Variants in NADK observed in about 807,000 individuals in gnomAD.
NADK encodes the protein poly(P)/ATP NAD kinase.
A neutral mutation model predicts 49.8 loss-of-function variants in NADK; 22 were observed. The ratio of observed to expected loss-of-function variants is 0.44; its 90% confidence interval spans 0.32 to 0.63. The LOEUF (loss-of-function observed/expected upper bound fraction) is 0.63, where lower values mean the gene tolerates loss of function less well. NADK is among the 30% of genes least tolerant of loss of function. NADK has a pLI of 0.06. For missense variants in NADK, 438 were observed against 609.4 expected (o/e 0.72, Z 2.96); for synonymous variants, 268 against 253.7 (o/e 1.06, Z -0.54).
At position 1,755,570 on chromosome 1, in the gene NADK, T is replaced by G. The variant is rs547672085; in HGVS notation, c.586-94A>C. 36 of 899,986 alleles carry G rather than the reference T, an allele frequency of 4.0e-5. No individual in the cohort carries two copies. In the East Asian group the frequency reaches 6.5e-4, roughly 16 times the overall value. The allele number at this position is 899,986 out of a possible 1,614,324, so 55.8% of individuals were successfully genotyped here. ...GCACCTCAGGAGGGACCCAGCTCTG[T>G]GGGGACAGCACCCCGACCCTCTGCA... is the stretch of plus-strand genomic sequence containing the variant. On this transcript the variant is annotated intron_variant, in intron 6 of 11. Transcript: ENST00000341426.
intron 2 of NADK, among the ~76,000 whole-genome samples, chr1:1,764,792 T>C (rs1186205342): frequency 6.6e-6 from 1 of 152,162 alleles, no homozygotes; most frequent in Non-Finnish European, 1.5e-5. Context: ...TCCCAGCTTC[T>C]TGGGAGGATG....
chr1:1,758,463 G>A (rs1240159231), intron 3 of NADK: 2 of 1,612,266 alleles, frequency 1.2e-6, no homozygotes, highest in African/African-American at 2.7e-5. Context: ...GGTAGCCCCT[G>A]CCTGCTGGGA....
At chr1:1,757,456 G>T in intron 3 of NADK, 146 bp from the exon 4 acceptor site, 1 of 687,078 alleles carries the variant, frequency 1.5e-6, no homozygotes, top group Non-Finnish European at 2.4e-6. Flanking sequence ...GGCTCACAGG[G>T]CCTAGGGTCG....
chr1:1,761,200 C>T (rs192337125), intron 3 of NADK, among the ~76,000 whole-genome samples: 18 of 152,318 alleles, frequency 1.2e-4, no homozygotes, highest in East Asian at 3.9e-4. Flanking sequence ...ACCATATTGG[C>T]CAGGCTGGTC....
upstream of NADK, chr1:1,780,092 G>C: frequency 6.6e-6 from 1 of 152,234 alleles, no homozygotes; most frequent in East Asian, 1.9e-4. Flanking sequence ...AACTTCTCCC[G>C]GGGTTATTTT....
intron 3 of NADK, chr1:1,759,051 C>G: frequency 6.8e-7 from 1 of 1,475,766 alleles, no homozygotes; most frequent in Non-Finnish European, 9.0e-7. Flanking sequence ...GCAAAGCCCC[C>G]GCCCTGCACA....
At chr1:1,772,762 G>A (rs572006615) in intron 1 of NADK, among the ~76,000 whole-genome samples, 10 of 152,030 alleles carry the variant, frequency 6.6e-5, no homozygotes, top group Admixed American at 4.6e-4. Context: ...CACAAGGGCC[G>A]GGCATGGTGG....
upstream of NADK, among the ~76,000 whole-genome samples, chr1:1,779,652 CAT>C (rs1407067468): frequency 7.0e-6 from 1 of 143,724 alleles, no homozygotes; most frequent in Non-Finnish European, 1.5e-5. Context: ...CTACTTCATT[CAT>C]ATATATATAT....
intron 2 of NADK, among the ~76,000 whole-genome samples, chr1:1,764,452 T>C (rs1645824144): frequency 6.6e-6 from 1 of 152,188 alleles, no homozygotes; most frequent in Non-Finnish European, 1.5e-5. Context: ...GGGAGCCACT[T>C]GCCCAACATG....
intron 3 of NADK, chr1:1,759,248 A>C (rs769359003): frequency 6.4e-7 from 1 of 1,564,596 alleles, no homozygotes; most frequent in South Asian, 1.2e-5. Context: ...GGTCACCTGC[A>C]AAGCAGGACA....
chr1:1,755,963 C>T lies in NADK; in HGVS notation c.585+295G>A, dbSNP rs528537870. 1.2e-4 allele frequency: 66 copies of T among 539,926 alleles called. 1 individual carries two copies. In the South Asian group the frequency reaches 1.4e-3, roughly 11 times the overall value. 33.4% of individuals were successfully genotyped at this position (539,926 alleles called of 1,614,324 possible). On this transcript the variant is annotated intron_variant, in intron 6 of 11. Transcript: ENST00000341426. ...ACCAGGAAGAGGAGCTCAAGGGAGGCCCAGAGGGGATGGGCCAGTAGGCGA... is the reference window on the plus strand; with the variant it reads ...ACCAGGAAGAGGAGCTCAAGGGAGGTCCAGAGGGGATGGGCCAGTAGGCGA...
chr1:1,752,758 A>C lies in NADK; in HGVS notation c.*146T>G. Reference sequence around the variant, plus strand: ...TTTAAAAAAACAGCTGATCTGGACAAAAGGCAGACCCAGGCTCTAACCCAG... The same window carrying C: ...TTTAAAAAAACAGCTGATCTGGACACAAGGCAGACCCAGGCTCTAACCCAG... On this transcript the variant is annotated 3_prime_UTR_variant, in exon 12 of 12. Transcript: ENST00000341426. 1 of 951,558 alleles carries C rather than the reference A, an allele frequency of 1.1e-6. No homozygotes were observed. The highest frequency in any genetic ancestry group is 1.6e-6 in the Non-Finnish European group (1 of 638,178). 58.9% of individuals were successfully genotyped at this position (951,558 alleles called of 1,614,324 possible).
chr1:1,776,081 C>T (rs746308888), intron 1 of NADK, among the ~76,000 whole-genome samples: 1 of 152,198 alleles, frequency 6.6e-6, no homozygotes, highest in Non-Finnish European at 1.5e-5. Flanking sequence ...TTGCTGTCAT[C>T]CTACCACACC....
Position 1,754,415 on chromosome 1 carries a change from C to A in NADK, c.844-32G>T. 2 of 1,610,686 alleles carry A rather than the reference C, an allele frequency of 1.2e-6. No homozygotes were observed. Among genetic ancestry groups the A allele is most frequent in the Non-Finnish European group, 8.5e-7 (1 of 1,177,420 alleles). The stretch of plus-strand genomic sequence containing the variant: ...GGGCGACAGCATTGCACACTCAGGG[C>A]GGGGGATGCCGCACGGCTCGCAGAC... On this transcript the variant is annotated intron_variant, in intron 8 of 11. Transcript: ENST00000341426. This position sits in a 1 kb window ranked among gnomAD's most constrained non-coding sequence, Gnocchi z 4.3.
At chr1:1,768,451 A>G (rs1645951617) in intron 1 of NADK, among the ~76,000 whole-genome samples, 1 of 152,136 alleles carries the variant, frequency 6.6e-6, no homozygotes, top group Non-Finnish European at 1.5e-5. Flanking sequence ...AGGTACTTGG[A>G]GGCTCCGGCA....
intron 1 of NADK, among the ~76,000 whole-genome samples, chr1:1,767,978 G>A (rs1462926275): frequency 6.6e-6 from 1 of 152,022 alleles, no homozygotes; most frequent in Non-Finnish European, 1.5e-5. Context: ...CTCAAGACCA[G>A]CCTGACCAAC....
chr1:1,768,442 G>C (rs774331501), intron 1 of NADK, among the ~76,000 whole-genome samples: 25 of 152,178 alleles, frequency 1.6e-4, no homozygotes, highest in Non-Finnish European at 3.4e-4. Flanking sequence ...TGCAGTCCCA[G>C]GTACTTGGAG....
chr1:1,775,841 A>C (rs1342000596), intron 1 of NADK, among the ~76,000 whole-genome samples: 1 of 152,228 alleles, frequency 6.6e-6, no homozygotes, highest in Non-Finnish European at 1.5e-5. Context: ...ATTGTGGGCC[A>C]GGAAAGATTG....
intron 3 of NADK, 107 bp from the exon 4 acceptor site, chr1:1,757,417 C>T (rs1645565986): frequency 2.8e-6 from 3 of 1,056,536 alleles, no homozygotes; most frequent in Non-Finnish European, 4.1e-6. Context: ...GTGTTTTCAC[C>T]TCCCAGGGAA....
Sources: gnomAD v4.1 joint callset for allele counts (sites outside exome capture counted in the v4.1 genomes callset) on GRCh38, gnomAD v4.1.1 for gene constraint, Gnocchi (gnomAD v3.1) non-coding constraint, MANE v1.5 for transcripts, NCBI Gene and HGNC (gene_info 2026-07-23, HGNC 2026-07-21) for gene names.